EPS8: variants seen among roughly 807,000 people sequenced by gnomAD.
EPS8 encodes the protein epidermal growth factor receptor kinase substrate 8.
Under a neutral mutation model 103.8 loss-of-function variants are expected in EPS8, and 42 were observed. The observed-to-expected ratio is 0.40, with a 90% CI of 0.32 to 0.52. The LOEUF is 0.52. EPS8 is among the 20% of genes least tolerant of loss of function. The pLI is 0.40. For synonymous variants in EPS8, 344 were observed against 344.6 expected (o/e 1.00, Z 0.02); for missense variants, 969 against 1,005.1 (o/e 0.96, Z 0.49).
In EPS8 at chr12:15,631,566, G is replaced by A. The variant is rs1443441645; in HGVS notation, c.1920C>T (p.Ser640=). ...TTGACACAGGAACAGGTGCTGGAGTGGAAGGGGGAAGGGGAACAGGAACAG... is the reference window on the plus strand; with the variant it reads ...TTGACACAGGAACAGGTGCTGGAGTAGAAGGGGGAAGGGGAACAGGAACAG... ...PAPVPVPLPP[S]TPAPVPVSKV... The change falls in exon 18 of 21, where the codon TCC becomes TCT. Residue 640 remains serine, a synonymous_variant. Coordinates refer to ENST00000281172, the MANE Select transcript of EPS8 (RefSeq NM_004447.6). The A allele has an allele frequency of 6.2e-7, 1 of 1,613,914 alleles. No homozygotes were observed.
chr12:15,724,980 A>G (rs1369417149), intron 1 of EPS8, among the ~76,000 whole-genome samples: 3 of 152,184 alleles, frequency 2.0e-5, no homozygotes, highest in African/African-American at 4.8e-5. Context: ...CATGAAAATA[A>G]TAAGTCTTCA....
rs1163674909 is a variant in EPS8 at position 15,704,028 on chromosome 12, T to C, written c.-21-21056A>G. 6.6e-6 allele frequency among the ~76,000 whole-genome samples: 1 copy of C among 152,046 alleles called. No individual in the cohort carries two copies. The highest frequency in any genetic ancestry group is 2.4e-5 in the African/African-American group (1 of 41,400). On this transcript the variant is annotated intron_variant, in intron 1 of 20. Coordinates refer to ENST00000281172, the MANE Select transcript of EPS8 (RefSeq NM_004447.6). This position sits in a 1 kb window ranked among gnomAD's most constrained non-coding sequence, Gnocchi z 4.6. ...ATTATTAGTTACACAAGAAATCCAA[T>C]GAAGCTATCTTCATCCTATTTTAGA...
rs557279456 is a variant in EPS8, at chr12:15,760,805, T to G, written c.-22+28356A>C. On this transcript the variant is annotated intron_variant, in intron 1 of 20. Transcript: ENST00000281172. This position sits in a 1 kb window ranked among gnomAD's most constrained non-coding sequence, Gnocchi z 4.5. ...GGAACAGAAAGAATATACCTTAACA[T>G]AATAAAAGCCATATATGACAGTCCC... 6.6e-5 allele frequency among the ~76,000 whole-genome samples: 10 copies of G among 152,062 alleles called. No individual in the cohort carries two copies. The highest frequency in any genetic ancestry group is 1.5e-4 in the Non-Finnish European group (10 of 67,972).
At position 15,654,275 on chromosome 12, in the gene EPS8, C is replaced by G; in HGVS notation, c.1120G>C (p.Gly374Arg). ...PLNMVVQATGGPELASSVLSP... is the reference protein window; with the variant it reads ...PLNMVVQATGRPELASSVLSP... ...AGTACTGAACTGGCTAGTTCAGGAC[C>G]TCCTGTTGCCTGCACCACCTAAGAT... Residue 374 changes from glycine to arginine, a missense_variant, in exon 13 of 21, where the codon GGT becomes CGT. Transcript: ENST00000281172. 6.2e-7 allele frequency: 1 copy of G among 1,613,176 alleles called. No homozygotes were observed. The highest frequency in any genetic ancestry group is 8.5e-7 in the Non-Finnish European group (1 of 1,179,518).
chr12:15,765,908 G>A (rs923445155), intron 1 of EPS8, among the ~76,000 whole-genome samples: 1 of 149,454 alleles, frequency 6.7e-6, no homozygotes, highest in African/African-American at 2.5e-5. Flanking sequence ...CTGCCTCCCA[G>A]GTTCAAGCGA....
intron 10 of EPS8, 73 bp from the exon 11 acceptor site, chr12:15,658,658 A>C: frequency 1.0e-6 from 1 of 980,840 alleles, no homozygotes; most frequent in Non-Finnish European, 1.6e-6. Flanking sequence ...AACAAAAACC[A>C]CATTTATGTC....
intron 8 of EPS8, among the ~76,000 whole-genome samples, chr12:15,664,205 AAGC>A (rs1200435921): frequency 2.6e-5 from 4 of 151,648 alleles, no homozygotes; most frequent in African/African-American, 4.8e-5. Context: ...TTTAAATACA[AAGC>A]AGATCAATAC....
chr12:15,679,733 G>A (rs1017085227), intron 3 of EPS8, among the ~76,000 whole-genome samples: 3 of 152,038 alleles, frequency 2.0e-5, no homozygotes, highest in Admixed American at 6.6e-5. Flanking sequence ...GTGTTTACTA[G>A]TCTATTGCAC....
At chr12:15,628,075 A>G (rs1020775293) in intron 18 of EPS8, among the ~76,000 whole-genome samples, 1 of 144,442 alleles carries the variant, frequency 6.9e-6, no homozygotes, top group Non-Finnish European at 1.5e-5. Flanking sequence ...AGTAATCAAA[A>G]AAGGGGAAAA....
intron 1 of EPS8, among the ~76,000 whole-genome samples, chr12:15,741,982 C>T (rs147080510): frequency 3.7e-4 from 56 of 152,222 alleles, no homozygotes; most frequent in South Asian, 1.2e-3. Flanking sequence ...TCTGTCCTTG[C>T]GATAGTTTGC....
Position 15,728,636 on chromosome 12 carries a change from A to C in EPS8, c.-21-45664T>G, listed in dbSNP as rs1946680875. The stretch of plus-strand genomic sequence containing the variant: ...ATGAAAATACAAGGCCTAAAATCAC[A>C]GATTTTACTATTTACATTTCAGTGA... On this transcript the variant is annotated intron_variant, in intron 1 of 20. Coordinates refer to ENST00000281172, the MANE Select transcript of EPS8 (RefSeq NM_004447.6). This position sits in a 1 kb window ranked among gnomAD's most constrained non-coding sequence, Gnocchi z 4.5. Among the ~76,000 whole-genome samples the C allele has an allele frequency of 6.6e-6, 1 of 152,240 alleles. No homozygotes were observed. The highest frequency in any genetic ancestry group is 1.5e-5 in the Non-Finnish European group (1 of 68,050).
In EPS8 at chr12:15,772,756, A is replaced by T. The variant is rs1335112619; in HGVS notation, c.-22+16405T>A. On this transcript the variant is annotated intron_variant, in intron 1 of 20. Coordinates refer to ENST00000281172, the MANE Select transcript of EPS8 (RefSeq NM_004447.6). The surrounding 1 kb of genome is among the most constrained non-coding windows in gnomAD (Gnocchi z 5.0). ...AAAGAACAGCACCACCACAGGAGCC[A>T]AAGGAAGAGAATATTCTTTTTATTT... Among the ~76,000 whole-genome samples, 1 of 152,184 alleles carries T rather than the reference A, an allele frequency of 6.6e-6. No individual in the cohort carries two copies. The highest frequency in any genetic ancestry group is 1.5e-5 in the Non-Finnish European group (1 of 68,024).
rs1408765971 is a variant in EPS8 at position 15,693,885 on chromosome 12, G to T, written c.-21-10913C>A. Among the ~76,000 whole-genome samples the T allele has an allele frequency of 6.6e-6, 1 of 152,106 alleles. No homozygotes were observed. The highest frequency in any genetic ancestry group is 2.4e-5 in the African/African-American group (1 of 41,414). The stretch of plus-strand genomic sequence containing the variant: ...GGGAGGGGAAAAAATACACACCAAG[G>T]CCTGTCAGATGGAGGTGGGGCAAGA... On this transcript the variant is annotated intron_variant, in intron 1 of 20. Coordinates refer to ENST00000281172, the MANE Select transcript of EPS8 (RefSeq NM_004447.6). The surrounding 1 kb of genome is among the most constrained non-coding windows in gnomAD (Gnocchi z 5.6).
Position 15,733,108 on chromosome 12 carries a change from C to T in EPS8, c.-21-50136G>A, listed in dbSNP as rs894939389. The stretch of plus-strand genomic sequence containing the variant: ...ATACTGGAAAGAAATATAATGTATT[C>T]GTCCATTTTCACACTGCTATAAAGA... On this transcript the variant is annotated intron_variant, in intron 1 of 20. Coordinates refer to ENST00000281172, the MANE Select transcript of EPS8 (RefSeq NM_004447.6). The surrounding 1 kb of genome is among the most constrained non-coding windows in gnomAD (Gnocchi z 4.8). 2.6e-5 allele frequency among the ~76,000 whole-genome samples: 4 copies of T among 152,102 alleles called. No homozygotes were observed. Among genetic ancestry groups the T allele is most frequent in the Admixed American group, 2.0e-4 (3 of 15,274 alleles).
At chr12:15,627,325 A>C (rs1235586533) in intron 18 of EPS8, among the ~76,000 whole-genome samples, 1 of 151,978 alleles carries the variant, frequency 6.6e-6, no homozygotes, top group African/African-American at 2.4e-5. Context: ...TTTTTAACCT[A>C]CCTCCTTTCA....
chr12:15,621,212 A>T lies in EPS8; in HGVS notation c.*105T>A. On this transcript the variant is annotated 3_prime_UTR_variant, in exon 21 of 21. Transcript: ENST00000281172. ...GCATGGGTTTTTTTTTATGGTGATAAATTACATCAAGAAAAATGAATCTGA... is the reference window on the plus strand; with the variant it reads ...GCATGGGTTTTTTTTTATGGTGATATATTACATCAAGAAAAATGAATCTGA... The T allele has an allele frequency of 1.8e-6, 1 of 569,522 alleles. No homozygotes were observed. Among genetic ancestry groups the T allele is most frequent in the Non-Finnish European group, 2.9e-6 (1 of 342,920 alleles). The allele number at this position is 569,522 out of a possible 1,614,324, so 35.3% of individuals were successfully genotyped here. A position where few individuals can be genotyped will look rare whatever the true frequency, so the allele number is the denominator to read the frequency against.
chr12:15,695,172 A>G lies in EPS8; in HGVS notation c.-21-12200T>C, dbSNP rs1437063852. On this transcript the variant is annotated intron_variant, in intron 1 of 20. Coordinates refer to ENST00000281172, the MANE Select transcript of EPS8 (RefSeq NM_004447.6). This position sits in a 1 kb window ranked among gnomAD's most constrained non-coding sequence, Gnocchi z 5.0. ...AAGTTGTGCTTTTAACCACTATTAT[A>G]TACTTTCCTTTTACTAATGATAAAT... 6.6e-6 allele frequency among the ~76,000 whole-genome samples: 1 copy of G among 152,224 alleles called. No homozygotes were observed. Among genetic ancestry groups the G allele is most frequent in the African/African-American group, 2.4e-5 (1 of 41,474 alleles).
chr12:15,718,599 C>T (rs1443950976), intron 1 of EPS8, among the ~76,000 whole-genome samples: 1 of 152,206 alleles, frequency 6.6e-6, no homozygotes, highest in Non-Finnish European at 1.5e-5. Flanking sequence ...AGACTTTCCT[C>T]ATTTCACCTG....
intron 10 of EPS8, 68 bp from the exon 11 acceptor site, chr12:15,658,653 A>G: frequency 9.6e-7 from 1 of 1,044,272 alleles, no homozygotes; most frequent in Non-Finnish European, 1.5e-6. Flanking sequence ...GGAAAAACAA[A>G]AACCACATTT....
Sources: allele counts gnomAD v4.1 joint callset (sites outside exome capture counted in the v4.1 genomes callset), GRCh38; gene constraint gnomAD v4.1.1; non-coding constraint Gnocchi (gnomAD v3.1); transcripts MANE v1.5; gene names NCBI Gene and HGNC (gene_info 2026-07-23, HGNC 2026-07-21).